WDPCP: variants seen among roughly 807,000 people sequenced by gnomAD.
The protein encoded by WDPCP is WD repeat-containing and planar cell polarity effector protein fritz homolog.
A neutral mutation model predicts 93.1 loss-of-function variants in WDPCP; 71 were observed. That is an observed-to-expected ratio of 0.76 (90% CI 0.63 to 0.93). The LOEUF is 0.93. Among genes scored for constraint, WDPCP ranks in the 40% least tolerant of loss-of-function variants. WDPCP has a pLI of 0.00. For synonymous variants in WDPCP, 315 were observed against 315.0 expected (o/e 1.00, Z 0.00); for missense variants, 844 against 887.4 (o/e 0.95, Z 0.62).
chr2:63,177,573 G>A (rs774258846), intron 14 of WDPCP, among the ~76,000 whole-genome samples: 1 of 152,124 alleles, frequency 6.6e-6, no homozygotes, highest in Non-Finnish European at 1.5e-5. Flanking sequence ...ATTTTTGTAT[G>A]TTGACTTGTA....
chr2:63,504,064 G>A (rs1306031206), intron 1 of WDPCP, among the ~76,000 whole-genome samples: 1 of 151,976 alleles, frequency 6.6e-6, no homozygotes, highest in Non-Finnish European at 1.5e-5. Flanking sequence ...ACAAACTCTA[G>A]TAACTGCTGA....
At chr2:63,482,602 A>T (rs1472996791) in intron 6 of WDPCP, among the ~76,000 whole-genome samples, 1 of 151,992 alleles carries the variant, frequency 6.6e-6, no homozygotes, top group Non-Finnish European at 1.5e-5. Context: ...TTGAAATAGA[A>T]CCTACATAGA....
Position 63,461,214 on chromosome 2 carries a change from G to A in WDPCP, c.385-21343C>T, listed in dbSNP as rs571215009. 1.8e-4 allele frequency among the ~76,000 whole-genome samples: 27 copies of A among 151,902 alleles called. 1 individual carries two copies. In the South Asian group the frequency reaches 3.9e-3, roughly 22 times the overall value. ...ATATTTGTCCCCACCCAAATCTCAT[G>A]TTGAAATGTAATCCCCAGTGTTGGA... On this transcript the variant is annotated intron_variant, in intron 6 of 17. Transcript: ENST00000272321.
At chr2:63,745,247 C>A (rs1669777756) in intron 2 of WDPCP, among the ~76,000 whole-genome samples, 1 of 152,118 alleles carries the variant, frequency 6.6e-6, no homozygotes, top group Admixed American at 6.6e-5. Flanking sequence ...GTTTGTTCTG[C>A]CCTTTAAAAA....
chr2:63,369,255 A>AT, intron 12 of WDPCP: 1 of 355,198 alleles, frequency 2.8e-6, no homozygotes, highest in South Asian at 2.2e-5. Context: ...CAGTTACTTA[A>AT]TACAGTGAAT....
intron 1 of WDPCP, chr2:63,564,501 T>C (rs1706873389): frequency 6.6e-6 from 1 of 152,188 alleles, no homozygotes; most frequent in Admixed American, 6.5e-5. Context: ...TAATTCAATG[T>C]CTGTGGGGAA....
intron 14 of WDPCP, among the ~76,000 whole-genome samples, chr2:63,231,809 TC>T (rs1678913791): frequency 6.6e-6 from 1 of 152,128 alleles, no homozygotes; most frequent in African/African-American, 2.4e-5. Context: ...TTGACTTTCT[TC>T]ACAGAATTGG....
At chr2:63,361,718 TTTTC>T (rs1298398531) in intron 12 of WDPCP, among the ~76,000 whole-genome samples, 1 of 152,122 alleles carries the variant, frequency 6.6e-6, no homozygotes, top group Non-Finnish European at 1.5e-5. Context: ...GTTGTTGTTG[TTTTC>T]TTTATTTGGT....
chr2:63,273,609 A>T (rs1429941036), intron 13 of WDPCP, among the ~76,000 whole-genome samples: 1 of 152,154 alleles, frequency 6.6e-6, no homozygotes. Flanking sequence ...AAGGTACAAT[A>T]AACAAAGTAA....
At chr2:63,836,579 G>A in the WDPCP span, among the ~76,000 whole-genome samples, 2 of 151,874 alleles carry the variant, frequency 1.3e-5, no homozygotes, top group Admixed American at 6.6e-5. Context: ...AACAATCTAC[G>A]CTTGTTAAAA....
chr2:63,360,186 T>C (rs549175278), intron 12 of WDPCP: 1 of 152,308 alleles, frequency 6.6e-6, no homozygotes, highest in African/African-American at 2.4e-5. Flanking sequence ...CTAAGAATCA[T>C]TTTTCCTCCA....
intron 2 of WDPCP, among the ~76,000 whole-genome samples, chr2:63,800,491 T>A (rs1284633909): frequency 6.6e-6 from 1 of 152,218 alleles, no homozygotes; most frequent in Non-Finnish European, 1.5e-5. Flanking sequence ...TATTTTTTTC[T>A]AATTAAATAA....
At chr2:63,426,136 C>G (rs1696268237) in intron 9 of WDPCP, among the ~76,000 whole-genome samples, 1 of 152,116 alleles carries the variant, frequency 6.6e-6, no homozygotes, top group Non-Finnish European at 1.5e-5. Flanking sequence ...GTCAGGAGTT[C>G]GAGACCAGCC....
intron 3 of WDPCP, chr2:63,607,128 A>G: frequency 1.4e-6 from 1 of 732,862 alleles, no homozygotes. Flanking sequence ...TTCTTGGTAC[A>G]GGTTTGTGAA....
At chr2:63,637,245 C>T (rs900412083) in intron 3 of WDPCP, among the ~76,000 whole-genome samples, 21 of 151,768 alleles carry the variant, frequency 1.4e-4, no homozygotes, top group Admixed American at 3.3e-4. Flanking sequence ...CCCAGCTACT[C>T]AGGAGGCTGA....
At chr2:63,663,493 A>C (rs1710251250) in intron 2 of WDPCP, among the ~76,000 whole-genome samples, 1 of 152,204 alleles carries the variant, frequency 6.6e-6, no homozygotes. Context: ...ACTCAGTCTG[A>C]GTAGAGAGAG....
At chr2:63,201,899 C>A (rs903902167) in intron 14 of WDPCP, among the ~76,000 whole-genome samples, 9 of 151,886 alleles carry the variant, frequency 5.9e-5, no homozygotes, top group African/African-American at 1.9e-4. Flanking sequence ...TTTTCCCTTC[C>A]TCCAACAGCT....
intron 12 of WDPCP, among the ~76,000 whole-genome samples, chr2:63,362,274 T>TTTTTTTTTTTTTTTGTTTG (rs764194233): frequency 1.7e-5 from 1 of 57,980 alleles, no homozygotes; most frequent in Non-Finnish European, 3.2e-5. Flanking sequence ...TTTTTTTTTT[T>TTTTTTTTTTTTTTTGTTTG]GGTTGTGTGT....
chr2:63,208,843 C>T (rs1232464176), intron 14 of WDPCP, among the ~76,000 whole-genome samples: 2 of 152,146 alleles, frequency 1.3e-5, no homozygotes, highest in African/African-American at 4.8e-5. Flanking sequence ...AAGATCAAGT[C>T]AGCTTTTGCC....
Sources: gnomAD v4.1 joint callset for allele counts (sites outside exome capture counted in the v4.1 genomes callset) on GRCh38, gnomAD v4.1.1 for gene constraint, MANE v1.5 for transcripts, NCBI Gene and HGNC (gene_info 2026-07-23, HGNC 2026-07-21) for gene names.